Variants in ANO9 observed in about 807,000 individuals in gnomAD.
ANO9 encodes the protein anoctamin-9.
In ANO9, 80 loss-of-function variants were observed where a neutral mutation model predicts 100.5. The observed-to-expected ratio is 0.80, with a 90% CI of 0.66 to 0.96. The LOEUF (loss-of-function observed/expected upper bound fraction) is 0.96. Among genes scored for constraint, ANO9 ranks in the 40% least tolerant of loss-of-function variants. The pLI is 0.00. For synonymous variants in ANO9, 473 were observed against 435.6 expected (o/e 1.09, Z -1.07); for missense variants, 1,064 against 1,072.7 (o/e 0.99, Z 0.11).
chr11:436,744 G>A (rs376759158), intron 1 of ANO9, among the ~76,000 whole-genome samples: 114 of 6,760 alleles, frequency 0.017, 56 homozygotes, highest in Middle Eastern at 0.048. Context: ...GTGAGCAGGG[G>A]GTGAGCAGGG....
At chr11:425,095 CGTGGAGAG>C (rs1198500551) in intron 15 of ANO9, among the ~76,000 whole-genome samples, 45,828 of 48,186 alleles carry the variant, frequency 0.95, 22,397 homozygotes, top group East Asian at 1. Flanking sequence ...GAAAAGGCGG[CGTGGAGAG>C]ACGGGACGCG....
intron 1 of ANO9, among the ~76,000 whole-genome samples, chr11:434,813 C>T (rs191795584): frequency 5.3e-5 from 8 of 152,264 alleles, no homozygotes; most frequent in Admixed American, 1.3e-4. Context: ...CAGAACCTTC[C>T]GGAGGAGGGG....
At position 422,829 on chromosome 11, in the gene ANO9, G is replaced by T. The variant is rs1198871083; in HGVS notation, c.1335-1631C>A. On this transcript the variant is annotated intron_variant, in intron 15 of 22. Transcript: ENST00000332826. This position sits in a 1 kb window ranked among gnomAD's most constrained non-coding sequence, Gnocchi z 4.3. ...ATACAATCTTAAGCCAAGTCCCACAGAATTTTTTTTTTTTTTTTCAGACAG... is the reference window on the plus strand; with the variant it reads ...ATACAATCTTAAGCCAAGTCCCACATAATTTTTTTTTTTTTTTTCAGACAG... Among the ~76,000 whole-genome samples the T allele has an allele frequency of 6.7e-6, 1 of 148,682 alleles. No homozygotes were observed. Among genetic ancestry groups the T allele is most frequent in the Non-Finnish European group, 1.5e-5 (1 of 67,398 alleles).
intron 11 of ANO9, 53 bp downstream of exon 11, chr11:429,517 G>A (rs1293993215): frequency 3.7e-5 from 59 of 1,602,198 alleles, no homozygotes; most frequent in Admixed American, 1.7e-4. Context: ...GGCATCGGGC[G>A]CCAACAGCCC....
At chr11:425,783 G>C (rs937406732) in intron 15 of ANO9, among the ~76,000 whole-genome samples, 4 of 151,928 alleles carry the variant, frequency 2.6e-5, no homozygotes, top group Non-Finnish European at 4.4e-5. Context: ...CCAGGCTGGA[G>C]TGCAGTGGCG....
chr11:420,270 CG>C, intron 19 of ANO9, 192 bp downstream of exon 19: 1 of 1,428,330 alleles, frequency 7.0e-7, no homozygotes, highest in Non-Finnish European at 9.1e-7. Flanking sequence ...ACAAAGCGCT[CG>C]GCCCCGCCCA....
intron 1 of ANO9, among the ~76,000 whole-genome samples, chr11:441,578 C>T (rs1011192528): frequency 1.3e-5 from 2 of 152,182 alleles, no homozygotes; most frequent in African/African-American, 4.8e-5. Context: ...GCCCCCGCCT[C>T]GGTGGGCAGG....
Position 420,486 on chromosome 11 carries a change from A to G in ANO9, c.1763T>C (p.Val588Ala). Residue 588 changes from valine to alanine, a missense_variant, in exon 19 of 23, where the codon GTG becomes GCG. Transcript: ENST00000332826. The stretch of plus-strand genomic sequence containing the variant: ...ACCGATGTCCTTGGCCTTGCGCGGC[A>G]CCAGGCGCCGCTGCAACCAGACCAT... ...IKMVWLQRRL[V>A]PRKAKDIGTW... is the part of the protein sequence containing the mutation. The G allele has an allele frequency of 6.2e-7, 1 of 1,603,604 alleles. No homozygotes were observed. The highest frequency in any genetic ancestry group is 8.5e-7 in the Non-Finnish European group (1 of 1,179,512).
intron 1 of ANO9, among the ~76,000 whole-genome samples, chr11:438,797 G>A (rs1460840533): frequency 6.6e-6 from 1 of 152,164 alleles, no homozygotes; most frequent in Non-Finnish European, 1.5e-5. Flanking sequence ...CAGCCATGCA[G>A]ACTGTTCGGT....
chr11:420,455 G>A lies in ANO9; in HGVS notation c.1786+8C>T. ...GTTCCCGCCCATCCTGCGCCCGCCC[G>A]GTCTGACCGATGTCCTTGGCCTTGC... On this transcript the variant is annotated splice_region_variant and intron_variant, in intron 19 of 22. Transcript: ENST00000332826. 1 of 1,600,606 alleles carries A rather than the reference G, an allele frequency of 6.2e-7. No homozygotes were observed.
At position 432,613 on chromosome 11, in the gene ANO9, C is replaced by A. The variant is rs982983891; in HGVS notation, c.351-559G>T. The stretch of plus-strand genomic sequence containing the variant: ...AGGGCACGTCGCAGGTATGCGCCCC[C>A]CAAGCCTGCTCCCGTCAGCCCCCTC... On this transcript the variant is annotated intron_variant, in intron 4 of 22. Coordinates refer to ENST00000332826, the MANE Select transcript of ANO9 (RefSeq NM_001012302.3). This position sits in a 1 kb window ranked among gnomAD's most constrained non-coding sequence, Gnocchi z 4.8. 6.3e-6 allele frequency: 1 copy of A among 157,526 alleles called. No individual in the cohort carries two copies. Among genetic ancestry groups the A allele is most frequent in the Non-Finnish European group, 1.4e-5 (1 of 71,458 alleles). 9.8% of individuals were successfully genotyped at this position (157,526 alleles called of 1,614,324 possible).
At chr11:440,067 T>C (rs879169547) in intron 1 of ANO9, among the ~76,000 whole-genome samples, 5 of 149,972 alleles carry the variant, frequency 3.3e-5, no homozygotes, top group Non-Finnish European at 7.5e-5. Context: ...AGAAAGAACA[T>C]GTGTGGGCAC....
chr11:430,190 AG>A lies in ANO9; in HGVS notation c.675-12del. The A allele has an allele frequency of 6.4e-7, 1 of 1,551,040 alleles. No homozygotes were observed. Among genetic ancestry groups the A allele is most frequent in the Admixed American group, 2.0e-5 (1 of 51,264 alleles). On this transcript the variant is annotated splice_polypyrimidine_tract_variant and intron_variant, in intron 8 of 22. Transcript: ENST00000332826. The stretch of plus-strand genomic sequence containing the variant: ...TCACAGATCTCCTTGCTGAAGGGGC[AG>A]GGATGAGGCTGGGGTCGGCTCCTCC...
rs1849051654 is a variant in ANO9 at position 432,027 on chromosome 11, A to G, written c.378T>C (p.Val126=). 2 of 1,612,850 alleles carry G rather than the reference A, an allele frequency of 1.2e-6. No individual in the cohort carries two copies. Residue 126 remains valine (V), a synonymous_variant, in exon 5 of 23, where the codon GTT becomes GTC. Coordinates refer to ENST00000332826, the MANE Select transcript of ANO9 (RefSeq NM_001012302.3). This position sits in a 1 kb window ranked among gnomAD's most constrained non-coding sequence, Gnocchi z 4.8. ...TSLRIRIVNF[V]VMNNKTSAGE... ...CAGCCGAGGTCTTGTTGTTCATGAC[A>G]ACGAAGTTCACGATTCGGATTCTGA...
intron 15 of ANO9, among the ~76,000 whole-genome samples, chr11:427,398 A>C (rs530547518): frequency 1.2e-4 from 18 of 152,186 alleles, no homozygotes; most frequent in African/African-American, 4.1e-4. Context: ...TCGCCTTCCT[A>C]ATTAGTGAAA....
intron 15 of ANO9, among the ~76,000 whole-genome samples, chr11:424,793 A>G (rs944060013): frequency 6.6e-6 from 1 of 152,206 alleles, no homozygotes; most frequent in African/African-American, 2.4e-5. Flanking sequence ...GATGCTGTGA[A>G]TAAAAAATAA....
intron 11 of ANO9, 62 bp downstream of exon 11, chr11:429,508 G>T (rs1043834068): frequency 6.3e-7 from 1 of 1,594,612 alleles, no homozygotes; most frequent in Middle Eastern, 1.7e-4. Flanking sequence ...GCCGTGCAGG[G>T]CATCGGGCGC....
chr11:440,877 G>T (rs1264640418), intron 1 of ANO9, among the ~76,000 whole-genome samples: 1 of 152,264 alleles, frequency 6.6e-6, no homozygotes, highest in East Asian at 1.9e-4. Flanking sequence ...GGGACCACAG[G>T]CATGCGCCAC....
intron 7 of ANO9, among the ~76,000 whole-genome samples, chr11:431,309 TG>T (rs200347131): frequency 0.29 from 3,265 of 11,210 alleles, no homozygotes; most frequent in South Asian, 0.37. Context: ...CGCGGGTATC[TG>T]GGGGGCTTCT....
Sources: allele counts gnomAD v4.1 joint callset (sites outside exome capture counted in the v4.1 genomes callset), GRCh38; gene constraint gnomAD v4.1.1; non-coding constraint Gnocchi (gnomAD v3.1); transcripts MANE v1.5; gene names NCBI Gene and HGNC (gene_info 2026-07-23, HGNC 2026-07-21).